LRFN2: variants seen among roughly 807,000 people sequenced by gnomAD.
LRFN2 encodes leucine-rich repeat and fibronectin type-III domain-containing protein 2.
A neutral mutation model predicts 37.3 loss-of-function variants in LRFN2; 18 were observed. The ratio of observed to expected loss-of-function variants is 0.48; its 90% confidence interval spans 0.33 to 0.72. The LOEUF (loss-of-function observed/expected upper bound fraction) is 0.72, where lower values mean the gene tolerates loss of function less well. Among genes scored for constraint, LRFN2 ranks in the 30% least tolerant of loss-of-function variants. The pLI is 0.02. For missense variants in LRFN2, 1,006 were observed against 1,060.7 expected, an observed-to-expected ratio of 0.95 and a Z score of 0.72; for synonymous variants, 556 against 466.6, an observed-to-expected ratio of 1.19 and a Z score of -2.47.
intron 2 of LRFN2, among the ~76,000 whole-genome samples, chr6:40,423,223 T>C (rs1333841517): frequency 6.6e-6 from 1 of 152,230 alleles, no homozygotes; most frequent in Non-Finnish European, 1.5e-5. Context: ...TGAAAATATT[T>C]CTGAAAGGGG....
At chr6:40,515,423 G>A (rs1765837101) in intron 1 of LRFN2, among the ~76,000 whole-genome samples, 1 of 152,194 alleles carries the variant, frequency 6.6e-6, no homozygotes, top group Admixed American at 6.5e-5. Context: ...TCACTCTGTT[G>A]GGGGTTTGAA....
At chr6:40,529,249 C>A (rs1052261384) in intron 1 of LRFN2, among the ~76,000 whole-genome samples, 2 of 152,164 alleles carry the variant, frequency 1.3e-5, no homozygotes, top group Admixed American at 1.3e-4. Context: ...ACCCCAGGAC[C>A]TTTGCATAAC....
chr6:40,562,352 G>T (rs564535379), intron 1 of LRFN2, among the ~76,000 whole-genome samples: 11 of 152,216 alleles, frequency 7.2e-5, no homozygotes, highest in Admixed American at 5.9e-4. Context: ...CCTGTCTAAT[G>T]CAGACCTAAG....
rs1198730730 is a variant in LRFN2, at chr6:40,587,263, G to A, written c.-341C>T. On this transcript the variant is annotated 5_prime_UTR_variant, in exon 1 of 3. The change creates a premature stop within an existing upstream ORF in the 5' untranslated region. Coordinates refer to ENST00000338305, the MANE Select transcript of LRFN2 (RefSeq NM_020737.3). This position sits in a 1 kb window ranked among gnomAD's most constrained non-coding sequence, Gnocchi z 4.2. ...GGATGCCGGTAGGATTTTCCGGATCGAAGAACCCCAGGCATTCCCAGGAAC... is the reference window on the plus strand; with the variant it reads ...GGATGCCGGTAGGATTTTCCGGATCAAAGAACCCCAGGCATTCCCAGGAAC... 6.6e-6 allele frequency: 1 copy of A among 152,138 alleles called. No individual in the cohort carries two copies. The highest frequency in any genetic ancestry group is 1.9e-4 in the East Asian group (1 of 5,194). 9.4% of individuals were successfully genotyped at this position (152,138 alleles called of 1,614,324 possible).
At chr6:40,540,759 T>C (rs1176077225) in intron 1 of LRFN2, among the ~76,000 whole-genome samples, 1 of 152,200 alleles carries the variant, frequency 6.6e-6, no homozygotes, top group East Asian at 1.9e-4. Flanking sequence ...GCAAGCACCC[T>C]GTCCTGGGGA....
chr6:40,428,162 G>A (rs1289560267), intron 2 of LRFN2, among the ~76,000 whole-genome samples: 1 of 152,246 alleles, frequency 6.6e-6, no homozygotes, highest in Non-Finnish European at 1.5e-5. Context: ...ATCCATCAAT[G>A]CAGGTGTGTA....
chr6:40,445,389 T>A (rs1763946733), intron 1 of LRFN2, among the ~76,000 whole-genome samples: 1 of 152,182 alleles, frequency 6.6e-6, no homozygotes, highest in Admixed American at 6.5e-5. Context: ...GATGACATCA[T>A]TCTCAAGGCG....
chr6:40,455,297 T>C (rs1764209667), intron 1 of LRFN2, among the ~76,000 whole-genome samples: 1 of 152,144 alleles, frequency 6.6e-6, no homozygotes, highest in Non-Finnish European at 1.5e-5. Flanking sequence ...CACATCATGA[T>C]CTCATGGCCT....
At chr6:40,470,057 C>T (rs17682710) in intron 1 of LRFN2, among the ~76,000 whole-genome samples, 4,318 of 152,288 alleles carry the variant, frequency 0.028, 110 homozygotes, top group East Asian at 0.097. Context: ...TCTAGAGCAT[C>T]ACATTGGGTG....
chr6:40,465,101 A>G (rs1393848475), intron 1 of LRFN2, among the ~76,000 whole-genome samples: 1 of 152,208 alleles, frequency 6.6e-6, no homozygotes, highest in African/African-American at 2.4e-5. Flanking sequence ...TGACAAGGTC[A>G]GAGTGATGCA....
chr6:40,472,547 G>T (rs905334582), intron 1 of LRFN2, among the ~76,000 whole-genome samples: 1 of 152,160 alleles, frequency 6.6e-6, no homozygotes, highest in African/African-American at 2.4e-5. Flanking sequence ...GGCCTGTGGG[G>T]TAACCCTCGC....
intron 1 of LRFN2, among the ~76,000 whole-genome samples, chr6:40,497,036 C>G (rs980288209): frequency 2.0e-5 from 3 of 152,166 alleles, no homozygotes; most frequent in Admixed American, 6.5e-5. Context: ...ATCTATGGTG[C>G]ACCATGCAAA....
chr6:40,578,154 C>T (rs1399358372), intron 1 of LRFN2, among the ~76,000 whole-genome samples: 1 of 152,200 alleles, frequency 6.6e-6, no homozygotes, highest in East Asian at 1.9e-4. Flanking sequence ...GCCTAACTCC[C>T]ATCCTCTGGG....
At chr6:40,417,246 T>C (rs1763114240) in intron 2 of LRFN2, among the ~76,000 whole-genome samples, 1 of 152,194 alleles carries the variant, frequency 6.6e-6, no homozygotes, top group Non-Finnish European at 1.5e-5. Context: ...GGTAAAAATA[T>C]CTGGTGTTCA....
intron 1 of LRFN2, among the ~76,000 whole-genome samples, chr6:40,528,682 A>G (rs1409056375): frequency 6.6e-6 from 1 of 152,234 alleles, no homozygotes; most frequent in East Asian, 1.9e-4. Flanking sequence ...TCTGGACATC[A>G]CTAGATCATA....
At chr6:40,486,060 C>A (rs1162773346) in intron 1 of LRFN2, among the ~76,000 whole-genome samples, 2 of 152,180 alleles carry the variant, frequency 1.3e-5, no homozygotes, top group Non-Finnish European at 2.9e-5. Context: ...GGCGAGGGTG[C>A]TGAAAGGAGA....
intron 1 of LRFN2, among the ~76,000 whole-genome samples, chr6:40,537,397 T>A (rs1321673208): frequency 6.6e-6 from 1 of 152,186 alleles, no homozygotes; most frequent in African/African-American, 2.4e-5. Flanking sequence ...AGGTTCTGCG[T>A]GTGCCCCCAC....
chr6:40,417,933 G>A (rs1041409638), intron 2 of LRFN2, among the ~76,000 whole-genome samples: 8 of 152,144 alleles, frequency 5.3e-5, no homozygotes, highest in African/African-American at 1.9e-4. Flanking sequence ...TCTCCCTGAT[G>A]CTATCCCTGC....
intron 1 of LRFN2, among the ~76,000 whole-genome samples, chr6:40,443,769 G>A (rs1763900436): frequency 6.6e-6 from 1 of 152,182 alleles, no homozygotes; most frequent in South Asian, 2.1e-4. Context: ...TGTGGGCAGG[G>A]TGGGGGAACA....
Sources: allele counts gnomAD v4.1 joint callset (sites outside exome capture counted in the v4.1 genomes callset), GRCh38; gene constraint gnomAD v4.1.1; non-coding constraint Gnocchi (gnomAD v3.1); transcripts MANE v1.5; gene names NCBI Gene and HGNC (gene_info 2026-07-23, HGNC 2026-07-21).